The following SUGCT variants were observed in gnomAD, a reference collection of about 807,000 sequenced individuals.
SUGCT encodes the protein succinyl-CoA:glutarate-CoA transferase.
A neutral mutation model predicts 55.0 loss-of-function variants in SUGCT; 41 were observed. That is an observed-to-expected ratio of 0.74 (90% CI 0.58 to 0.97). The LOEUF is 0.97. SUGCT is among the 50% of genes least tolerant of loss of function. The probability of loss-of-function intolerance (pLI) is 0.00; values close to 1 mark genes in which losing one functional copy is unlikely to be tolerated. For synonymous variants in SUGCT, 187 were observed against 200.4 expected (o/e 0.93, Z 0.56); for missense variants, 568 against 547.8 (o/e 1.04, Z -0.37).
chr7:40,553,223 A>C (rs192335649), intron 12 of SUGCT, among the ~76,000 whole-genome samples: 14 of 152,352 alleles, frequency 9.2e-5, no homozygotes, highest in Admixed American at 7.2e-4. Context: ...CTGATGCATT[A>C]AAGAAAGAAT....
the SUGCT span, among the ~76,000 whole-genome samples, chr7:40,899,488 G>T: frequency 1.3e-5 from 2 of 152,022 alleles, no homozygotes; most frequent in Non-Finnish European, 2.9e-5. Context: ...AAGAGGCAAC[G>T]CACACGCTGA....
chr7:40,358,478 C>T (rs982589089), intron 9 of SUGCT, among the ~76,000 whole-genome samples: 8 of 152,028 alleles, frequency 5.3e-5, no homozygotes, highest in Admixed American at 3.3e-4. Flanking sequence ...TTTGGGAGGC[C>T]GAGATGAGTG....
In SUGCT at chr7:40,698,464, A is replaced by T. The variant is rs151225502; in HGVS notation, c.1090-50970A>T. Among the ~76,000 whole-genome samples the T allele has an allele frequency of 1.8e-3, 281 of 152,308 alleles. 1 individual carries two copies. Among genetic ancestry groups the T allele is most frequent in the African/African-American group, 6.3e-3 (261 of 41,580 alleles). On this transcript the variant is annotated intron_variant, in intron 12 of 13. Transcript: ENST00000335693. Reference sequence around the variant, plus strand: ...GCTCAGGGCAGAGAGCAAGTTCAGGATGCTGTCTCCCTTAGGGTTAGACAT... The same window carrying T: ...GCTCAGGGCAGAGAGCAAGTTCAGGTTGCTGTCTCCCTTAGGGTTAGACAT...
At chr7:40,907,138 TGTGAGAGAGAGA>T in the SUGCT span, among the ~76,000 whole-genome samples, 82 of 35,402 alleles carry the variant, frequency 2.3e-3, no homozygotes, top group Non-Finnish European at 4.5e-3. Flanking sequence ...TGTGTGTGTG[TGTGAGAGAGAGA>T]GAGAGAGAGA....
At chr7:40,308,170 A>G (rs1404826197) in intron 8 of SUGCT, among the ~76,000 whole-genome samples, 1 of 152,176 alleles carries the variant, frequency 6.6e-6, no homozygotes, top group Admixed American at 6.5e-5. Flanking sequence ...CTTGCCTGGA[A>G]TATAAAATGT....
intron 12 of SUGCT, among the ~76,000 whole-genome samples, chr7:40,633,192 A>C (rs1799871501): frequency 6.6e-6 from 1 of 152,232 alleles, no homozygotes; most frequent in African/African-American, 2.4e-5. Context: ...TTTATCACCT[A>C]GTGAAGATGC....
intron 9 of SUGCT, among the ~76,000 whole-genome samples, chr7:40,433,967 A>G (rs1187935492): frequency 1.3e-5 from 2 of 152,232 alleles, no homozygotes; most frequent in South Asian, 2.1e-4. Context: ...ATAACCTGTT[A>G]TAATAACTTT....
At chr7:40,791,698 T>TA (rs1050772689) in intron 13 of SUGCT, among the ~76,000 whole-genome samples, 13 of 152,030 alleles carry the variant, frequency 8.6e-5, no homozygotes, top group Non-Finnish European at 1.5e-5. Context: ...CAGGAAGGAG[T>TA]AAAAAATGGA....
chr7:40,249,795 G>A (rs563325710), intron 7 of SUGCT, among the ~76,000 whole-genome samples: 1 of 151,642 alleles, frequency 6.6e-6, no homozygotes, highest in African/African-American at 2.4e-5. Flanking sequence ...TTGACTTTTT[G>A]TGTGTGTGTG....
At chr7:40,541,709 G>A (rs952751023) in intron 12 of SUGCT, among the ~76,000 whole-genome samples, 9 of 152,194 alleles carry the variant, frequency 5.9e-5, no homozygotes. Context: ...GGGAAGAAGA[G>A]TCTAGAGATT....
chr7:40,293,805 A>C (rs1390114030), intron 8 of SUGCT, among the ~76,000 whole-genome samples: 2 of 152,192 alleles, frequency 1.3e-5, no homozygotes, highest in Non-Finnish European at 2.9e-5. Context: ...GACTTTCCCC[A>C]AATAATTTTT....
At chr7:40,785,300 G>C (rs1249402211) in intron 13 of SUGCT, 1 of 152,204 alleles carries the variant, frequency 6.6e-6, no homozygotes, top group Non-Finnish European at 1.5e-5. Context: ...GACTAAATTA[G>C]CTCAGTGAAA....
At chr7:40,490,531 A>G (rs1234889228) in intron 11 of SUGCT, among the ~76,000 whole-genome samples, 3 of 152,132 alleles carry the variant, frequency 2.0e-5, no homozygotes, top group Admixed American at 2.0e-4. Context: ...TCTTCTTACC[A>G]TTTCATTACA....
chr7:40,582,890 A>G (rs1163988252), intron 12 of SUGCT, among the ~76,000 whole-genome samples: 6 of 152,192 alleles, frequency 3.9e-5, no homozygotes, highest in African/African-American at 1.4e-4. Context: ...GGCATTTTCT[A>G]TAATAGTAAT....
chr7:40,684,830 C>T (rs190065844), intron 12 of SUGCT, among the ~76,000 whole-genome samples: 23 of 151,914 alleles, frequency 1.5e-4, no homozygotes, highest in African/African-American at 4.1e-4. Flanking sequence ...TATGAGTTTT[C>T]GTGGTTGTTT....
intron 11 of SUGCT, among the ~76,000 whole-genome samples, chr7:40,478,151 G>A (rs1392076003): frequency 1.3e-5 from 2 of 152,042 alleles, no homozygotes; most frequent in East Asian, 1.9e-4. Context: ...ACAGGCATAC[G>A]CCACCATGCC....
At chr7:40,559,905 C>T (rs73689817) in intron 12 of SUGCT, among the ~76,000 whole-genome samples, 53 of 152,146 alleles carry the variant, frequency 3.5e-4, no homozygotes, top group African/African-American at 1.2e-3. Context: ...TAAGACAGTG[C>T]GTAAAGAGGT....
intron 9 of SUGCT, among the ~76,000 whole-genome samples, chr7:40,337,916 A>C (rs1036462831): frequency 7.2e-5 from 11 of 152,034 alleles, no homozygotes; most frequent in African/African-American, 2.2e-4. Context: ...TTAGTGCTTC[A>C]TTCAGGAGCT....
chr7:40,239,877 T>C (rs1174226132), intron 7 of SUGCT, among the ~76,000 whole-genome samples: 1 of 152,202 alleles, frequency 6.6e-6, no homozygotes, highest in Non-Finnish European at 1.5e-5. Context: ...CATCTTTCAT[T>C]CCTTAATTAA....
Sources: allele counts gnomAD v4.1 joint callset (sites outside exome capture counted in the v4.1 genomes callset), GRCh38; gene constraint gnomAD v4.1.1; transcripts MANE v1.5; gene names NCBI Gene and HGNC (gene_info 2026-07-23, HGNC 2026-07-21).